The following SLC33A2 variants were observed in gnomAD, a reference collection of about 807,000 sequenced individuals.
The protein encoded by SLC33A2 is solute carrier family 33 member 2.
the SLC33A2 span, chr8:144,510,369 G>A: frequency 3.7e-6 from 6 of 1,612,146 alleles, no homozygotes; most frequent in Non-Finnish European, 5.1e-6. Context: ...GGTGAGCAGG[G>A]TGCCAGCAGC....
At chr8:144,510,771 A>G in the SLC33A2 span, 1 of 1,610,530 alleles carries the variant, frequency 6.2e-7, no homozygotes, top group South Asian at 1.1e-5. Context: ...AGCCTGGGGC[A>G]CTGCTGACTT....
At chr8:144,511,039 C>G in the SLC33A2 span, 30 of 1,604,686 alleles carry the variant, frequency 1.9e-5, no homozygotes, top group Admixed American at 3.3e-5. Context: ...GGGGAAGCTG[C>G]TGCTGGGCAC....
chr8:144,510,199 C>A, the SLC33A2 span: 1 of 1,307,864 alleles, frequency 7.6e-7, no homozygotes, highest in Non-Finnish European at 1.0e-6. Flanking sequence ...CAGCTCTAGC[C>A]CCATCCCTGA....
At chr8:144,510,534 C>A in the SLC33A2 span, 3 of 1,612,052 alleles carry the variant, frequency 1.9e-6, no homozygotes, top group African/African-American at 1.3e-5. Context: ...GTACCCTGCC[C>A]ACCCACTTGT....
At chr8:144,510,189 C>A in the SLC33A2 span, 1 of 1,281,282 alleles carries the variant, frequency 7.8e-7, no homozygotes, top group Non-Finnish European at 1.1e-6. Context: ...TGTCCGCCCC[C>A]AGCTCTAGCC....
the SLC33A2 span, chr8:144,510,621 C>T: frequency 7.5e-5 from 118 of 1,569,514 alleles, no homozygotes; most frequent in Middle Eastern, 5.1e-4. Flanking sequence ...CTGTTGAGGT[C>T]GGTGCTGCGC....
chr8:144,509,759 G>C, the SLC33A2 span: 4 of 1,562,930 alleles, frequency 2.6e-6, no homozygotes, highest in African/African-American at 4.1e-5. Flanking sequence ...AGGTGGTCGC[G>C]TACAAGCTGG....
chr8:144,510,858 C>T, the SLC33A2 span: 10 of 1,609,968 alleles, frequency 6.2e-6, no homozygotes, highest in East Asian at 2.0e-4. Flanking sequence ...CAGTCACCTT[C>T]ACTGGGATGA....
At chr8:144,511,156 T>C in the SLC33A2 span, 35 of 1,609,540 alleles carry the variant, frequency 2.2e-5, no homozygotes, top group African/African-American at 3.9e-4. Context: ...ACCCAGCACC[T>C]TTCTCTGAGC....
chr8:144,509,660 C>G, the SLC33A2 span: 1 of 1,551,076 alleles, frequency 6.4e-7, no homozygotes, highest in Non-Finnish European at 8.7e-7. Context: ...TGTTGTTGAA[C>G]CTGGGTGCCG....
the SLC33A2 span, chr8:144,509,101 T>A: frequency 2.3e-6 from 1 of 444,352 alleles, no homozygotes; most frequent in Non-Finnish European, 3.9e-6. Flanking sequence ...CGGCCGCCGG[T>A]GTCCGGACCG....
chr8:144,510,018 G>A, the SLC33A2 span: 5 of 1,592,288 alleles, frequency 3.1e-6, no homozygotes, highest in Non-Finnish European at 4.2e-6. Context: ...CAAGCTGGGT[G>A]AGTGAGGCCT....
chr8:144,509,660 C>A, the SLC33A2 span: 91 of 1,550,958 alleles, frequency 5.9e-5, 1 homozygote, highest in South Asian at 9.8e-4. Flanking sequence ...TGTTGTTGAA[C>A]CTGGGTGCCG....
the SLC33A2 span, chr8:144,511,210 C>G: frequency 2.5e-6 from 4 of 1,585,982 alleles, no homozygotes; most frequent in Non-Finnish European, 2.6e-6. Flanking sequence ...GCCTGTGGCC[C>G]AGATGTCTCT....
chr8:144,510,886 G>GCC, the SLC33A2 span: 25 of 1,606,696 alleles, frequency 1.6e-5, no homozygotes, highest in Non-Finnish European at 2.1e-5. Flanking sequence ...CAGCCAGCTG[G>GCC]CCCCCAGGGC....
the SLC33A2 span, chr8:144,509,395 TCCAGTCCGGCCTCCTGCCAG>T: frequency 1.3e-4 from 197 of 1,526,330 alleles, no homozygotes; most frequent in Admixed American, 2.0e-4. Context: ...CCCTACGGGC[TCCAGTCCGGCCTCCTGCCAG>T]TGCTGCTGCG....
the SLC33A2 span, chr8:144,510,753 G>T: frequency 6.2e-7 from 1 of 1,605,622 alleles, no homozygotes. Flanking sequence ...AGGAAGAGAG[G>T]GGCCAGGAGC....
the SLC33A2 span, chr8:144,509,746 T>G: frequency 1.3e-6 from 2 of 1,567,022 alleles, no homozygotes; most frequent in Non-Finnish European, 1.7e-6. Context: ...GGCAATACCG[T>G]GCAGGTGGTC....
At chr8:144,509,098 C>G in the SLC33A2 span, 3 of 443,110 alleles carry the variant, frequency 6.8e-6, no homozygotes, top group Admixed American at 4.4e-5. Flanking sequence ...CGCCGGCCGC[C>G]GGTGTCCGGA....
Sources: allele counts gnomAD v4.1 joint callset, GRCh38; gene constraint gnomAD v4.1.1; transcripts MANE v1.5; gene names NCBI Gene and HGNC (gene_info 2026-07-23, HGNC 2026-07-21).